Variants in KICS2 observed in about 807,000 individuals in gnomAD.
The protein encoded by KICS2 is KICSTOR subunit 2.
Under a neutral mutation model 31.4 loss-of-function variants are expected in KICS2, and 13 were observed. That is an observed-to-expected ratio of 0.41 (90% CI 0.27 to 0.66). The LOEUF is 0.66. KICS2 is among the 30% of genes least tolerant of loss of function. The probability of loss-of-function intolerance (pLI) is 0.28; values close to 1 mark genes in which losing one functional copy is unlikely to be tolerated. For synonymous variants in KICS2, 209 were observed against 214.8 expected (o/e 0.97, Z 0.24); for missense variants, 455 against 545.4 (o/e 0.83, Z 1.65).
intron 2 of KICS2, among the ~76,000 whole-genome samples, chr12:64,208,609 G>A (rs2037559832): frequency 6.6e-6 from 1 of 152,100 alleles, no homozygotes; most frequent in South Asian, 2.1e-4. Context: ...TTTTTTTGAC[G>A]AAAAGTGGGC....
chr12:64,197,217 T>A (rs1180173073), intron 2 of KICS2, among the ~76,000 whole-genome samples: 14 of 142,662 alleles, frequency 9.8e-5, no homozygotes, highest in African/African-American at 3.5e-4. Flanking sequence ...CGGGTTACCC[T>A]CAAAGGGAAG....
In KICS2 at chr12:64,192,769, T is replaced by G; in HGVS notation, c.*1073A>C. 1 of 985,478 alleles carries G rather than the reference T, an allele frequency of 1.0e-6. No individual in the cohort carries two copies. Among genetic ancestry groups the G allele is most frequent in the South Asian group, 4.7e-5 (1 of 21,288 alleles). 61.0% of individuals were successfully genotyped at this position (985,478 alleles called of 1,614,324 possible). A position where few individuals can be genotyped will look rare whatever the true frequency, so the allele number is the denominator to read the frequency against. On this transcript the variant is annotated 3_prime_UTR_variant, in exon 3 of 3. Coordinates refer to ENST00000398055, the MANE Select transcript of KICS2 (RefSeq NM_152440.5). ...CGAAGGAAAGAAATAAGGCAGCATG[T>G]GCTAAGATGCAGTGCTGCTTCTAAA... is the stretch of plus-strand genomic sequence containing the variant.
chr12:64,186,822 A>G (rs897757299), downstream of KICS2: 1 of 152,202 alleles, frequency 6.6e-6, no homozygotes, highest in Non-Finnish European at 1.5e-5. Context: ...GTTAACTGCT[A>G]TATCATTACC....
At chr12:64,214,141 C>T (rs532396989) in intron 2 of KICS2, among the ~76,000 whole-genome samples, 4 of 152,342 alleles carry the variant, frequency 2.6e-5, no homozygotes, top group African/African-American at 9.6e-5. Context: ...TTCCCCACTG[C>T]TTACCAAATT....
At position 64,193,419 on chromosome 12, in the gene KICS2, T is replaced by C; in HGVS notation, c.*423A>G. ...AGACAGAAAACATATAGTTCTTAAT[T>C]CTAAAAAGGCCATTTAATATCTCAT... On this transcript the variant is annotated 3_prime_UTR_variant, in exon 3 of 3. Coordinates refer to ENST00000398055, the MANE Select transcript of KICS2 (RefSeq NM_152440.5). 1 of 988,804 alleles carries C rather than the reference T, an allele frequency of 1.0e-6. No homozygotes were observed. Among genetic ancestry groups the C allele is most frequent in the Non-Finnish European group, 1.2e-6 (1 of 832,348 alleles). The allele number at this position is 988,804 out of a possible 1,614,324, so 61.3% of individuals were successfully genotyped here.
intron 2 of KICS2, among the ~76,000 whole-genome samples, chr12:64,211,348 G>A (rs531529371): frequency 1.3e-5 from 2 of 152,362 alleles, no homozygotes; most frequent in African/African-American, 4.8e-5. Context: ...GCCGGGCGCA[G>A]TGGCTCACAC....
chr12:64,194,456 C>T lies in KICS2; in HGVS notation c.724G>A (p.Gly242Arg). Reference protein sequence around the residue: ...KQRETKKHLFGGQSQKAVQPP... With the variant: ...KQRETKKHLFRGQSQKAVQPP... ...TGCACGGCCTTCTGAGACTGCCCTC[C>T]AAACAGATGTTTCTTGGTCTCCCGC... Residue 242 changes from glycine (G) to arginine (R), a missense_variant, in exon 3 of 3, where the codon GGA becomes AGA. Transcript: ENST00000398055. 1 of 1,614,200 alleles carries T rather than the reference C, an allele frequency of 6.2e-7. No homozygotes were observed. The highest frequency in any genetic ancestry group is 2.2e-5 in the East Asian group (1 of 44,886).
intron 2 of KICS2, among the ~76,000 whole-genome samples, chr12:64,206,535 G>A (rs2037540366): frequency 6.6e-6 from 1 of 152,150 alleles, no homozygotes; most frequent in Admixed American, 6.5e-5. Flanking sequence ...CATTTCAGAG[G>A]AAGGAACAAT....
At chr12:64,206,038 C>T (rs1203080716) in intron 2 of KICS2, among the ~76,000 whole-genome samples, 2 of 152,166 alleles carry the variant, frequency 1.3e-5, no homozygotes, top group African/African-American at 4.8e-5. Context: ...TCCACCTCAG[C>T]CCACTTAGCA....
At chr12:64,194,775 G>T in intron 2 of KICS2, 117 bp from the exon 3 acceptor site, 1 of 1,326,358 alleles carries the variant, frequency 7.5e-7, no homozygotes, top group Non-Finnish European at 9.9e-7. Flanking sequence ...TCAGGACAGG[G>T]GAAGAAAAGA....
chr12:64,187,353 A>G (rs1224140322), downstream of KICS2: 1 of 457,194 alleles, frequency 2.2e-6, no homozygotes, highest in Admixed American at 3.9e-5. Flanking sequence ...TGACATTAGG[A>G]GGGACTACAG....
In KICS2 at chr12:64,194,034, G is replaced by A; in HGVS notation, c.1146C>T (p.Val382=). 1.9e-6 allele frequency: 3 copies of A among 1,614,148 alleles called. No homozygotes were observed. Among genetic ancestry groups the A allele is most frequent in the Non-Finnish European group, 1.7e-6 (2 of 1,180,036 alleles). ...TCTGAACTTTGTCATCATAGAAGTG[G>A]ACCACTTTCTCCAAGCTGTTCAGAT... is the stretch of plus-strand genomic sequence containing the variant. ...TSDLNSLEKV[V]HFYDDKVQST... The change falls in exon 3 of 3, where the codon GTC becomes GTT. Residue 382 remains valine (V), a synonymous_variant. Coordinates refer to ENST00000398055, the MANE Select transcript of KICS2 (RefSeq NM_152440.5).
rs1392098871 is a variant in KICS2, at chr12:64,222,018, G to A, written c.220C>T (p.Leu74=). ...AEKVYHSLTY[L]GQKLGGQSFF... The stretch of plus-strand genomic sequence containing the variant: ...GCGGAGGTACCTAGTTTCTGCCCCA[G>A]GTAGGTGAGGCTGTGATAGACCTTC... Residue 74 remains leucine (L), a synonymous_variant, in exon 1 of 3, where the codon CTG becomes TTG. Transcript: ENST00000398055. 6.2e-7 allele frequency: 1 copy of A among 1,613,652 alleles called. No individual in the cohort carries two copies. The highest frequency in any genetic ancestry group is 8.5e-7 in the Non-Finnish European group (1 of 1,179,834).
intron 2 of KICS2, among the ~76,000 whole-genome samples, chr12:64,196,029 C>T (rs1345401209): frequency 2.6e-5 from 4 of 152,252 alleles, no homozygotes; most frequent in African/African-American, 4.8e-5. Flanking sequence ...GGGGGAGGGG[C>T]GCCCGCCATT....
intron 1 of KICS2, among the ~76,000 whole-genome samples, chr12:64,217,722 A>C (rs1592389989): frequency 6.6e-6 from 1 of 151,968 alleles, no homozygotes; most frequent in African/African-American, 2.4e-5. Flanking sequence ...AATCGCTTGA[A>C]CCAGGGAGGC....
intron 2 of KICS2, among the ~76,000 whole-genome samples, chr12:64,201,849 C>A (rs1275009191): frequency 6.6e-6 from 1 of 151,568 alleles, no homozygotes; most frequent in African/African-American, 2.4e-5. Context: ...CTGTCTCAAA[C>A]AAACAAACAA....
chr12:64,187,429 TA>T, downstream of KICS2: 1 of 576,786 alleles, frequency 1.7e-6, no homozygotes, highest in Non-Finnish European at 3.0e-6. Context: ...CCTACGGTTT[TA>T]AATTTGAAGT....
At position 64,192,792 on chromosome 12, in the gene KICS2, A is replaced by T; in HGVS notation, c.*1050T>A. On this transcript the variant is annotated 3_prime_UTR_variant, in exon 3 of 3. Transcript: ENST00000398055. ...TGTGCTAAGATGCAGTGCTGCTTCT[A>T]AACATAATTTGTGGGGGGCAGGCAT... The T allele has an allele frequency of 1.0e-6, 1 of 985,502 alleles. No homozygotes were observed. The highest frequency in any genetic ancestry group is 1.2e-6 in the Non-Finnish European group (1 of 829,958). 61.0% of individuals were successfully genotyped at this position (985,502 alleles called of 1,614,324 possible).
intron 2 of KICS2, among the ~76,000 whole-genome samples, chr12:64,202,728 CTAAGT>C (rs1209315814): frequency 4.0e-5 from 6 of 151,162 alleles, no homozygotes; most frequent in Non-Finnish European, 7.4e-5. Context: ...TACTAACTCA[CTAAGT>C]TAACTTTATA....
Sources: allele counts gnomAD v4.1 joint callset (sites outside exome capture counted in the v4.1 genomes callset), GRCh38; gene constraint gnomAD v4.1.1; transcripts MANE v1.5; gene names NCBI Gene and HGNC (gene_info 2026-07-23, HGNC 2026-07-21).